Variants in VTCN1 observed in about 807,000 individuals in gnomAD.
VTCN1 encodes V-set domain containing T cell activation inhibitor 1, also known as V-set domain-containing T-cell activation inhibitor 1.
A neutral mutation model predicts 26.5 loss-of-function variants in VTCN1; 26 were observed. The observed-to-expected ratio is 0.98, with a 90% confidence interval of 0.72 to 1.36. The LOEUF (loss-of-function observed/expected upper bound fraction) is 1.36, where lower values mean the gene tolerates loss of function less well. Among genes scored for constraint, VTCN1 ranks in the 40% most tolerant of loss-of-function variants. The pLI is 0.00. For missense variants in VTCN1, 298 were observed against 337.7 expected, an observed-to-expected ratio of 0.88 and a Z score of 0.92; for synonymous variants, 116 against 130.7, an observed-to-expected ratio of 0.89 and a Z score of 0.77.
chr1:117,171,235 T>G (rs1652903100), intron 1 of VTCN1, among the ~76,000 whole-genome samples: 1 of 152,242 alleles, frequency 6.6e-6, no homozygotes, highest in Non-Finnish European at 1.5e-5. Flanking sequence ...TGCCACATTT[T>G]CTTTATCCAG....
At chr1:117,199,878 C>T (rs1302725308) in intron 1 of VTCN1, among the ~76,000 whole-genome samples, 2 of 152,122 alleles carry the variant, frequency 1.3e-5, no homozygotes, top group Non-Finnish European at 2.9e-5. Flanking sequence ...TTGTGATCCG[C>T]CCACCTCGGC....
chr1:117,204,048 T>A (rs72699168), intron 1 of VTCN1, among the ~76,000 whole-genome samples: 13,619 of 152,250 alleles, frequency 0.089, 830 homozygotes, highest in Non-Finnish European at 0.13. Context: ...AGAAAGACGA[T>A]GTCTGAGTCC....
At chr1:117,172,529 C>T (rs1652975795) in intron 1 of VTCN1, 1 of 509,644 alleles carries the variant, frequency 2.0e-6, no homozygotes, top group African/African-American at 1.9e-5. Flanking sequence ...TGTGTGTGGC[C>T]TAGGGTTTTC....
chr1:117,170,485 C>T (rs529804138), intron 1 of VTCN1, among the ~76,000 whole-genome samples: 1 of 152,298 alleles, frequency 6.6e-6, no homozygotes, highest in Admixed American at 6.5e-5. Context: ...GAAAACATTT[C>T]TTTAATGCCA....
At chr1:117,158,276 T>A (rs1652190174) in intron 2 of VTCN1, among the ~76,000 whole-genome samples, 1 of 152,232 alleles carries the variant, frequency 6.6e-6, no homozygotes, top group African/African-American at 2.4e-5. Flanking sequence ...AAGTTCTCCA[T>A]GAGAGCCCCA....
At chr1:117,192,522 A>G (rs1648294885) in intron 1 of VTCN1, among the ~76,000 whole-genome samples, 1 of 152,242 alleles carries the variant, frequency 6.6e-6, no homozygotes, top group East Asian at 1.9e-4. Flanking sequence ...ACTGTGGTAC[A>G]GGAATCACAT....
intron 1 of VTCN1, among the ~76,000 whole-genome samples, chr1:117,196,556 C>T (rs1232014776): frequency 1.3e-5 from 2 of 151,244 alleles, no homozygotes; most frequent in East Asian, 1.9e-4. Context: ...TCTTATAAAA[C>T]AAACAAGGAA....
Position 117,146,457 on chromosome 1 carries a change from GTACCCTGGAGAGTGTAAGACATAAATCA to G in VTCN1, c.*45+1128_*45+1155del, listed in dbSNP as rs1366549043. 2.0e-5 allele frequency among the ~76,000 whole-genome samples: 3 copies of G among 152,196 alleles called. No homozygotes were observed. Among genetic ancestry groups the G allele is most frequent in the Non-Finnish European group, 4.4e-5 (3 of 68,028 alleles). On this transcript the variant is annotated intron_variant, in intron 5 of 5. Coordinates refer to ENST00000369458, the MANE Select transcript of VTCN1 (RefSeq NM_024626.4). The surrounding 1 kb of genome is among the most constrained non-coding windows in gnomAD (Gnocchi z 4.2). The stretch of plus-strand genomic sequence containing the variant: ...TTAGCAATGTAGGCAAGGAATACAT[GTACCCTGGAGAGTGTAAGACATAAATCA>G]TACATGCATGCCAAGAGGATATAAA...
chr1:117,173,898 C>G (rs1653061696), intron 1 of VTCN1, among the ~76,000 whole-genome samples: 1 of 152,196 alleles, frequency 6.6e-6, no homozygotes, highest in South Asian at 2.1e-4. Flanking sequence ...CCACGTTTCC[C>G]TCGCTGTGAA....
intron 1 of VTCN1, among the ~76,000 whole-genome samples, chr1:117,188,250 A>G (rs1557874203): frequency 6.6e-6 from 1 of 152,212 alleles, no homozygotes; most frequent in Non-Finnish European, 1.5e-5. Context: ...ACGGACAGAC[A>G]GAGACAGAGA....
In VTCN1 at chr1:117,155,222, A is replaced by G. The variant is rs1652008302; in HGVS notation, c.445+1352T>C. On this transcript the variant is annotated intron_variant, in intron 3 of 5. Coordinates refer to ENST00000369458, the MANE Select transcript of VTCN1 (RefSeq NM_024626.4). This position sits in a 1 kb window ranked among gnomAD's most constrained non-coding sequence, Gnocchi z 4.8. ...GCACAGGAGGTAAAGTGCCCTTCCC[A>G]TCACATTATATCAGAAGGTACATGC... Among the ~76,000 whole-genome samples the G allele has an allele frequency of 6.6e-6, 1 of 152,208 alleles. No individual in the cohort carries two copies. Among genetic ancestry groups the G allele is most frequent in the South Asian group, 2.1e-4 (1 of 4,822 alleles).
In VTCN1 at chr1:117,183,385, C is replaced by T. The variant is rs1408955708; in HGVS notation, c.33-13214G>A. 6.6e-6 allele frequency among the ~76,000 whole-genome samples: 1 copy of T among 152,232 alleles called. No homozygotes were observed. Among genetic ancestry groups the T allele is most frequent in the Non-Finnish European group, 1.5e-5 (1 of 68,046 alleles). On this transcript the variant is annotated intron_variant, in intron 1 of 5. Transcript: ENST00000369458. The surrounding 1 kb of genome is among the most constrained non-coding windows in gnomAD (Gnocchi z 4.1). ...ATTAATGAATAAATAAATATCCATGCTGTGCTACTGAGAGAAACTAACACA... is the reference window on the plus strand; with the variant it reads ...ATTAATGAATAAATAAATATCCATGTTGTGCTACTGAGAGAAACTAACACA...
chr1:117,153,108 C>T lies in VTCN1; in HGVS notation c.707G>A (p.Gly236Glu). ...MIENDIAKATGDIKVTESEIK... is the reference protein window; with the variant it reads ...MIENDIAKATEDIKVTESEIK... ...GAACCCACCTGTCACTTTGATATCC[C>T]CTGTTGCTTTGGCAATGTCATTTTC... Residue 236 changes from glycine (G) to glutamate (E), a missense_variant, in exon 4 of 6, where the codon GGG becomes GAG. Gly to Glu is a moderately conservative substitution (Grantham distance 98, BLOSUM62 -2). Transcript: ENST00000369458. 5.0e-6 allele frequency: 8 copies of T among 1,609,462 alleles called. No individual in the cohort carries two copies. The highest frequency in any genetic ancestry group is 6.8e-6 in the Non-Finnish European group (8 of 1,177,054).
At chr1:117,174,210 C>A (rs947916827) in intron 1 of VTCN1, among the ~76,000 whole-genome samples, 6 of 152,230 alleles carry the variant, frequency 3.9e-5, no homozygotes, top group Non-Finnish European at 8.8e-5. Context: ...CTAACCACTG[C>A]ATTGGGATTC....
At position 117,147,832 on chromosome 1, in the gene VTCN1, C is replaced by T. The variant is rs1195190494; in HGVS notation, c.725-50G>A. 6.3e-7 allele frequency: 1 copy of T among 1,586,466 alleles called. No individual in the cohort carries two copies. The highest frequency in any genetic ancestry group is 8.6e-7 in the Non-Finnish European group (1 of 1,169,486). ...GGGTCATACAGGAGAAGCTGGATGTCTTCTTCACATGACTGGTTAGCAAAG... is the reference window on the plus strand; with the variant it reads ...GGGTCATACAGGAGAAGCTGGATGTTTTCTTCACATGACTGGTTAGCAAAG... On this transcript the variant is annotated intron_variant, in intron 4 of 5. Coordinates refer to ENST00000369458, the MANE Select transcript of VTCN1 (RefSeq NM_024626.4). The surrounding 1 kb of genome is among the most constrained non-coding windows in gnomAD (Gnocchi z 4.6).
At chr1:117,160,576 A>G (rs1652315724) in intron 2 of VTCN1, among the ~76,000 whole-genome samples, 1 of 152,220 alleles carries the variant, frequency 6.6e-6, no homozygotes, top group Admixed American at 6.5e-5. Flanking sequence ...TACATAGTAA[A>G]TGCTCCATAC....
rs187179749 is a variant in VTCN1 at position 117,197,189 on chromosome 1, C to T, written c.32+13635G>A. Among the ~76,000 whole-genome samples, 202 of 152,218 alleles carry T rather than the reference C, an allele frequency of 1.3e-3. 2 individuals are homozygous for T. Among genetic ancestry groups the T allele is most frequent in the Middle Eastern group, 0.01 (3 of 294 alleles). ...ATTAGTGAAACTGTAAGTACTTATTCGCTAAGCCCATAAAAGTCAAGCATT... is the reference window on the plus strand; with the variant it reads ...ATTAGTGAAACTGTAAGTACTTATTTGCTAAGCCCATAAAAGTCAAGCATT... On this transcript the variant is annotated intron_variant, in intron 1 of 5. Coordinates refer to ENST00000369458, the MANE Select transcript of VTCN1 (RefSeq NM_024626.4).
intron 2 of VTCN1, among the ~76,000 whole-genome samples, chr1:117,160,556 C>T (rs191183710): frequency 6.6e-6 from 1 of 152,340 alleles, no homozygotes; most frequent in African/African-American, 2.4e-5. Flanking sequence ...CAAAGCTAAA[C>T]ACTGCCTGCT....
intron 4 of VTCN1, among the ~76,000 whole-genome samples, chr1:117,149,932 T>A (rs1195471964): frequency 6.6e-6 from 1 of 152,242 alleles, no homozygotes; most frequent in Non-Finnish European, 1.5e-5. Flanking sequence ...TTCGAACACT[T>A]GTTTTGATGT....
Sources: gnomAD v4.1 joint callset for allele counts (sites outside exome capture counted in the v4.1 genomes callset) on GRCh38, gnomAD v4.1.1 for gene constraint, Gnocchi (gnomAD v3.1) non-coding constraint, MANE v1.5 for transcripts, NCBI Gene and HGNC (gene_info 2026-07-23, HGNC 2026-07-21) for gene names.